Variants in GRM7 observed in about 807,000 individuals in gnomAD.
GRM7 encodes glutamate metabotropic receptor 7, also known as metabotropic glutamate receptor 7.
GRM7 carries 35 observed loss-of-function variants against 84.5 expected under a neutral mutation model. The observed-to-expected ratio is 0.41, with a 90% CI of 0.32 to 0.55. The LOEUF (loss-of-function observed/expected upper bound fraction) is 0.55, where lower values mean the gene tolerates loss of function less well. Among genes scored for constraint, GRM7 ranks in the 20% least tolerant of loss-of-function variants. The pLI, the probability that GRM7 is intolerant of heterozygous loss-of-function variation, is 0.19. For missense variants in GRM7, 1,003 were observed against 1,194.6 expected (o/e 0.84, Z 2.36); for synonymous variants, 487 against 455.1 (o/e 1.07, Z -0.89).
At chr3:7,523,586 A>G (rs1196870493) in intron 7 of GRM7, among the ~76,000 whole-genome samples, 2 of 152,186 alleles carry the variant, frequency 1.3e-5, no homozygotes, top group South Asian at 4.1e-4. Context: ...GCATCATTTA[A>G]ATTTGAGGGA....
chr3:7,518,216 T>A (rs914899669), intron 7 of GRM7, among the ~76,000 whole-genome samples: 3 of 152,202 alleles, frequency 2.0e-5, no homozygotes, highest in African/African-American at 7.2e-5. Flanking sequence ...GCGGCTTCAA[T>A]GTCTTCAACT....
At chr3:7,658,902 C>T (rs149061579) in intron 8 of GRM7, among the ~76,000 whole-genome samples, 5 of 152,134 alleles carry the variant, frequency 3.3e-5, no homozygotes, top group Admixed American at 1.3e-4. Flanking sequence ...AAAACATGAA[C>T]GTTTTTGAAA....
At chr3:7,597,012 G>T (rs941575343) in intron 8 of GRM7, among the ~76,000 whole-genome samples, 1 of 152,126 alleles carries the variant, frequency 6.6e-6, no homozygotes, top group Admixed American at 6.5e-5. Context: ...TTGGTTTTGT[G>T]ACATTTTCTG....
intron 5 of GRM7, among the ~76,000 whole-genome samples, 188 bp downstream of exon 5, chr3:7,415,351 T>C (rs923885174): frequency 5.3e-5 from 8 of 152,176 alleles, no homozygotes; most frequent in Non-Finnish European, 7.4e-5. Flanking sequence ...CAAGAATGTA[T>C]TCTTTTCTGC....
chr3:7,099,274 A>ACACATGTATT (rs1559438818), intron 1 of GRM7, among the ~76,000 whole-genome samples: 1 of 76,022 alleles, frequency 1.3e-5, no homozygotes, highest in African/African-American at 1.4e-4. Context: ...TGTATATATG[A>ACACATGTATT]ATACATGTAT....
intron 7 of GRM7, among the ~76,000 whole-genome samples, chr3:7,538,518 ACT>A (rs1692689526): frequency 6.6e-6 from 1 of 152,086 alleles, no homozygotes; most frequent in African/African-American, 2.4e-5. Flanking sequence ...CATCAGCAAA[ACT>A]CTCTCTTTTC....
intron 5 of GRM7, among the ~76,000 whole-genome samples, chr3:7,427,631 C>G (rs1343832919): frequency 6.6e-6 from 1 of 152,158 alleles, no homozygotes; most frequent in Non-Finnish European, 1.5e-5. Flanking sequence ...CTTTGCTATG[C>G]ATTGGTCACT....
intron 7 of GRM7, among the ~76,000 whole-genome samples, chr3:7,477,213 A>AT (rs942274116): frequency 1.3e-5 from 2 of 151,672 alleles, no homozygotes; most frequent in Non-Finnish European, 2.9e-5. Context: ...TTCTGGTGGA[A>AT]TTTTTTTTTA....
intron 1 of GRM7, among the ~76,000 whole-genome samples, chr3:6,893,509 C>A (rs1696051434): frequency 6.6e-6 from 1 of 151,958 alleles, no homozygotes; most frequent in African/African-American, 2.4e-5. Flanking sequence ...GTTTTCTTTC[C>A]TACAGACATA....
chr3:7,544,724 C>G (rs1202292256), intron 7 of GRM7, among the ~76,000 whole-genome samples: 1 of 152,184 alleles, frequency 6.6e-6, no homozygotes, highest in Non-Finnish European at 1.5e-5. Context: ...CCTCCTTAGA[C>G]AAGTATTTCT....
intron 2 of GRM7, among the ~76,000 whole-genome samples, chr3:7,218,616 A>C (rs1236579898): frequency 6.6e-6 from 1 of 152,030 alleles, no homozygotes. Context: ...TCTTTAGTGT[A>C]AAGCGATAAA....
intron 1 of GRM7, among the ~76,000 whole-genome samples, chr3:7,077,157 C>T (rs952229264): frequency 2.0e-5 from 3 of 152,146 alleles, no homozygotes; most frequent in Non-Finnish European, 4.4e-5. Flanking sequence ...TTGTGGAAGA[C>T]AGTGTGGCAA....
At chr3:6,956,799 G>A (rs1693072926) in intron 1 of GRM7, among the ~76,000 whole-genome samples, 1 of 152,062 alleles carries the variant, frequency 6.6e-6, no homozygotes, top group Non-Finnish European at 1.5e-5. Context: ...CACAGGGGCC[G>A]GGAAATACAA....
intron 4 of GRM7, chr3:7,403,215 A>G: frequency 2.3e-6 from 1 of 443,720 alleles, no homozygotes; most frequent in Non-Finnish European, 4.6e-6. Flanking sequence ...TTAATAATTG[A>G]TATGTGCTAA....
chr3:7,672,572 A>G (rs1426315932), intron 8 of GRM7, among the ~76,000 whole-genome samples: 1 of 151,716 alleles, frequency 6.6e-6, no homozygotes, highest in African/African-American at 2.4e-5. Flanking sequence ...AAAATAGTCA[A>G]TGACAGATGA....
intron 8 of GRM7, among the ~76,000 whole-genome samples, chr3:7,615,575 A>G (rs982795118): frequency 1.3e-5 from 2 of 152,104 alleles, no homozygotes; most frequent in Non-Finnish European, 2.9e-5. Context: ...CCTATGGAAA[A>G]CTGACTTCTG....
intron 1 of GRM7, among the ~76,000 whole-genome samples, chr3:6,949,339 T>A (rs1692604804): frequency 6.6e-6 from 1 of 152,314 alleles, no homozygotes; most frequent in African/African-American, 2.4e-5. Context: ...GAATATGAAA[T>A]TCTGGGTTGA....
At chr3:6,866,813 G>A (rs1030015661) in intron 1 of GRM7, among the ~76,000 whole-genome samples, 4 of 152,186 alleles carry the variant, frequency 2.6e-5, no homozygotes, top group African/African-American at 4.8e-5. Context: ...ACGTGGCCAG[G>A]TCAAATGAAG....
At chr3:7,689,615 C>T (rs1372706966) in intron 9 of GRM7, among the ~76,000 whole-genome samples, 1 of 152,202 alleles carries the variant, frequency 6.6e-6, no homozygotes, top group Non-Finnish European at 1.5e-5. Context: ...GGTTCTGCAA[C>T]TGCCGTCTTA....
Sources: allele counts gnomAD v4.1 joint callset (sites outside exome capture counted in the v4.1 genomes callset), GRCh38; gene constraint gnomAD v4.1.1; transcripts MANE v1.5; gene names NCBI Gene and HGNC (gene_info 2026-07-23, HGNC 2026-07-21).